Variants in NOMO2 observed in about 807,000 individuals in gnomAD.
NOMO2 encodes the protein NODAL modulator 2, also known as BOS complex subunit NOMO2.
In NOMO2, 14 loss-of-function variants were observed where a neutral mutation model predicts 67.1. The ratio of observed to expected loss-of-function variants is 0.21; its 90% CI spans 0.14 to 0.33. NOMO2 has a LOEUF of 0.33. NOMO2 is among the 10% of genes least tolerant of loss of function. The pLI, the probability that NOMO2 is intolerant of heterozygous loss-of-function variation, is 1.00. For missense variants in NOMO2, 178 were observed against 761.0 expected (o/e 0.23, Z 9.01); for synonymous variants, 80 against 305.9 (o/e 0.26, Z 7.71).
chr16:18,533,756 T>G (rs1901359098), intron 11 of NOMO2: 1 of 152,994 alleles, frequency 6.5e-6, no homozygotes, highest in South Asian at 2.0e-4. Flanking sequence ...CCTTGGGAGG[T>G]AGGAGCCACA....
intron 3 of NOMO2, among the ~76,000 whole-genome samples, chr16:18,551,816 A>C (rs1901794717): frequency 6.6e-6 from 1 of 151,778 alleles, no homozygotes; most frequent in Admixed American, 6.6e-5. Flanking sequence ...CTTTCAGCTA[A>C]GTTATATCTC....
chr16:18,561,108 G>C lies in NOMO2; in HGVS notation c.165+768C>G, dbSNP rs889662061. ...CTCCATCCATCCCTTTCCTCTTTAC[G>C]GGAACCTTTCTGGGTCATAATCCCA... On this transcript the variant is annotated intron_variant, in intron 1 of 30. Coordinates refer to ENST00000622306, the MANE Select transcript of NOMO2 (RefSeq NM_173614.4). 1.1e-4 allele frequency among the ~76,000 whole-genome samples: 15 copies of C among 132,740 alleles called. 1 individual carries two copies. Among genetic ancestry groups the C allele is most frequent in the Non-Finnish European group, 1.8e-4 (12 of 65,056 alleles). The allele number at this position is 132,740 out of a possible 152,430, so 87.1% of individuals were successfully genotyped here.
intron 1 of NOMO2, among the ~76,000 whole-genome samples, chr16:18,559,566 T>G (rs574831415): frequency 2.6e-4 from 39 of 152,198 alleles, no homozygotes; most frequent in African/African-American, 9.4e-4. Context: ...CTGAGGTCAG[T>G]GACCACAACT....
intron 15 of NOMO2, among the ~76,000 whole-genome samples, chr16:18,528,947 A>C (rs1406927742): frequency 7.7e-6 from 1 of 130,284 alleles, no homozygotes. Flanking sequence ...CAGCCTGGGC[A>C]ACAGAGCAAG....
Position 18,533,155 on chromosome 16 carries a change from T to G in NOMO2, c.1245A>C (p.Ser415=). The G allele has an allele frequency of 4.3e-6, 7 of 1,611,518 alleles. No individual in the cohort carries two copies. Among genetic ancestry groups the G allele is most frequent in the Non-Finnish European group, 5.9e-6 (7 of 1,179,746 alleles). ...TGACGGTGTCCGGGAAGCGAATGAT[T>G]GATATCCGACCACAGACACTGAACC... ...ATGFSVCGRI[S]IIRFPDTVKQ... The change falls in exon 12 of 31, where the codon TCA becomes TCC. Residue 415 remains serine, a synonymous_variant. Transcript: ENST00000622306.
At chr16:18,553,652 T>TA (rs1901839743) in intron 3 of NOMO2, among the ~76,000 whole-genome samples, 1 of 135,838 alleles carries the variant, frequency 7.4e-6, no homozygotes, top group Non-Finnish European at 1.6e-5. Flanking sequence ...TCTGAAAGTA[T>TA]AATTCAATTA....
chr16:18,554,455 A>G (rs1027366813), intron 3 of NOMO2, among the ~76,000 whole-genome samples: 1 of 152,038 alleles, frequency 6.6e-6, no homozygotes, highest in African/African-American at 2.4e-5. Flanking sequence ...AAAATTAAAA[A>G]ACTGAGAGGG....
At chr16:18,534,417 T>C (rs1233137218) in intron 11 of NOMO2, among the ~76,000 whole-genome samples, 3 of 146,886 alleles carry the variant, frequency 2.0e-5, no homozygotes, top group African/African-American at 7.5e-5. Context: ...TGTCCAAAAA[T>C]GTAGTTGTGT....
chr16:18,539,814 C>T (rs1267201941), intron 9 of NOMO2, among the ~76,000 whole-genome samples: 1 of 152,024 alleles, frequency 6.6e-6, no homozygotes, highest in African/African-American at 2.4e-5. Flanking sequence ...CACGTGGTCC[C>T]ATGCTCCATG....
At chr16:18,535,783 C>G (rs1276737673) in intron 11 of NOMO2, among the ~76,000 whole-genome samples, 1 of 151,998 alleles carries the variant, frequency 6.6e-6, no homozygotes, top group Non-Finnish European at 1.5e-5. Flanking sequence ...CCCTATCACT[C>G]CCTTGCCAAC....
intron 1 of NOMO2, among the ~76,000 whole-genome samples, chr16:18,560,128 T>C (rs1902004762): frequency 6.6e-6 from 1 of 151,806 alleles, no homozygotes; most frequent in South Asian, 2.1e-4. Context: ...TGAAATATCA[T>C]GATTATTTCT....
At chr16:18,529,404 C>G in intron 15 of NOMO2, 97 bp downstream of exon 15, 4 of 1,610,788 alleles carry the variant, frequency 2.5e-6, no homozygotes, top group Non-Finnish European at 3.4e-6. Flanking sequence ...GGAAATCTGA[C>G]TTGCCTACGT....
At chr16:18,520,370 T>TCATCCATCCATCCATC (rs1208876919) in intron 20 of NOMO2, among the ~76,000 whole-genome samples, 26 of 116,052 alleles carry the variant, frequency 2.2e-4, no homozygotes, top group African/African-American at 5.5e-4. Context: ...AATCATTCAT[T>TCATCCATCCATCCATC]CATCCATCCA....
intron 11 of NOMO2, among the ~76,000 whole-genome samples, chr16:18,534,114 A>T (rs1305997385): frequency 1.3e-5 from 2 of 152,034 alleles, no homozygotes; most frequent in Admixed American, 6.6e-5. Context: ...CTCCGCCTCA[A>T]ATAAAAAAAC....
At chr16:18,556,961 A>G (rs1206644238) in intron 2 of NOMO2, among the ~76,000 whole-genome samples, 1 of 151,940 alleles carries the variant, frequency 6.6e-6, no homozygotes, top group Non-Finnish European at 1.5e-5. Context: ...CCCCGTCACT[A>G]TTAAAAATAC....
intron 5 of NOMO2, among the ~76,000 whole-genome samples, 198 bp downstream of exon 5, chr16:18,549,323 T>C (rs1490841269): frequency 3.3e-5 from 5 of 150,526 alleles, no homozygotes; most frequent in African/African-American, 1.2e-4. Flanking sequence ...TCATCAATGC[T>C]AGGCAAGATG....
chr16:18,558,060 C>G (rs959517715), intron 1 of NOMO2, among the ~76,000 whole-genome samples: 1 of 150,942 alleles, frequency 6.6e-6, no homozygotes, highest in Non-Finnish European at 1.5e-5. Flanking sequence ...GTGGCTGTCT[C>G]TAGGTTGCTC....
intron 9 of NOMO2, among the ~76,000 whole-genome samples, chr16:18,540,264 C>T (rs28439381): frequency 0.75 from 103,889 of 138,144 alleles, 38,554 homozygotes; most frequent in East Asian, 0.96. Context: ...GTAGTCCTTC[C>T]TGATCTTTCC....
In NOMO2 at chr16:18,528,647, T is replaced by G. The variant is rs778283592; in HGVS notation, c.1806+854A>C. Among the ~76,000 whole-genome samples, 259 of 151,838 alleles carry G rather than the reference T, an allele frequency of 1.7e-3. 1 individual carries two copies. Among genetic ancestry groups the G allele is most frequent in the Non-Finnish European group, 3.2e-3 (216 of 67,950 alleles). On this transcript the variant is annotated intron_variant, in intron 15 of 30. Transcript: ENST00000622306. ...AGATCCTGTTTACAGCTTCTTCCCC[T>G]GCGCTGGAACAAATACACCAGAGAA...
Sources: gnomAD v4.1 joint callset for allele counts (sites outside exome capture counted in the v4.1 genomes callset) on GRCh38, gnomAD v4.1.1 for gene constraint, MANE v1.5 for transcripts, NCBI Gene and HGNC (gene_info 2026-07-23, HGNC 2026-07-21) for gene names.